The following CPPED1 variants were observed in gnomAD, a reference collection of about 807,000 sequenced individuals.
CPPED1 encodes the protein serine/threonine-protein phosphatase CPPED1.
In CPPED1, 28 loss-of-function variants were observed where a neutral mutation model predicts 28.0. The observed-to-expected ratio is 1.00, with a 90% CI of 0.74 to 1.37. The LOEUF is 1.37. Among genes scored for constraint, CPPED1 ranks in the 40% most tolerant of loss-of-function variants. CPPED1 has a pLI of 0.00. For missense variants in CPPED1, 504 were observed against 416.5 expected (o/e 1.21, Z -1.83); for synonymous variants, 198 against 180.2 (o/e 1.10, Z -0.79).
chr16:12,722,623 C>T (rs1050505804), intron 2 of CPPED1, among the ~76,000 whole-genome samples: 12 of 152,086 alleles, frequency 7.9e-5, no homozygotes, highest in East Asian at 1.9e-4. Flanking sequence ...GTAGTCCCAG[C>T]GTGAGGCAGG....
chr16:12,705,068 C>T lies in CPPED1; in HGVS notation c.290-19G>A, dbSNP rs192519003. On this transcript the variant is annotated intron_variant, in intron 2 of 3. Transcript: ENST00000381774. ...GGCTTCCCTGGAAGAGTGAGGGTCACGTCCTGAGAAAGCCAGGGGCTTATT... is the reference window on the plus strand; with the variant it reads ...GGCTTCCCTGGAAGAGTGAGGGTCATGTCCTGAGAAAGCCAGGGGCTTATT... 2.5e-4 allele frequency: 400 copies of T among 1,585,964 alleles called. No homozygotes were observed. Among genetic ancestry groups the T allele is most frequent in the Middle Eastern group, 1.2e-3 (7 of 5,904 alleles).
chr16:12,673,856 C>T (rs897586741), intron 3 of CPPED1, among the ~76,000 whole-genome samples: 13 of 151,960 alleles, frequency 8.6e-5, no homozygotes, highest in African/African-American at 2.2e-4. Flanking sequence ...AGACCAGCCT[C>T]GGCAACATCA....
intron 2 of CPPED1, among the ~76,000 whole-genome samples, chr16:12,716,597 G>C (rs1322887044): frequency 2.6e-5 from 4 of 152,130 alleles, no homozygotes; most frequent in South Asian, 2.1e-4. Context: ...AGTCCTATTT[G>C]GGATTTTAAA....
At chr16:12,705,114 A>G in intron 2 of CPPED1, 65 bp from the exon 3 acceptor site, 3 of 1,452,616 alleles carry the variant, frequency 2.1e-6, no homozygotes, top group Non-Finnish European at 2.8e-6. Flanking sequence ...AACTAACTTA[A>G]GTACTTACTA....
chr16:12,780,756 C>T (rs547903973), intron 2 of CPPED1, among the ~76,000 whole-genome samples: 1 of 149,978 alleles, frequency 6.7e-6, no homozygotes, highest in Admixed American at 6.6e-5. Context: ...AAAGGGAATC[C>T]TGTTTTAAGT....
At chr16:12,800,454 AC>A in intron 1 of CPPED1, among the ~76,000 whole-genome samples, 1 of 151,458 alleles carries the variant, frequency 6.6e-6, no homozygotes, top group South Asian at 2.1e-4. Context: ...AAAAAAGTAA[AC>A]CATGGGGGAC....
At chr16:12,685,311 G>A (rs891959279) in intron 3 of CPPED1, among the ~76,000 whole-genome samples, 3 of 152,156 alleles carry the variant, frequency 2.0e-5, no homozygotes, top group African/African-American at 7.2e-5. Context: ...TTAGCCAGGT[G>A]TGGTGGTGGC....
intron 2 of CPPED1, among the ~76,000 whole-genome samples, chr16:12,738,188 C>T (rs1019979176): frequency 6.6e-6 from 1 of 152,022 alleles, no homozygotes; most frequent in African/African-American, 2.4e-5. Flanking sequence ...ATTACGCAGC[C>T]GTTCACAATG....
At chr16:12,770,437 G>A (rs112993381) in intron 2 of CPPED1, among the ~76,000 whole-genome samples, 567 of 152,326 alleles carry the variant, frequency 3.7e-3, no homozygotes, top group Non-Finnish European at 6.2e-3. Flanking sequence ...AGCCTCACAT[G>A]TATGTACAAA....
At chr16:12,686,134 C>T (rs1567275530) in intron 3 of CPPED1, among the ~76,000 whole-genome samples, 1 of 152,138 alleles carries the variant, frequency 6.6e-6, no homozygotes. Flanking sequence ...GGAACAGATG[C>T]TATTGATACT....
At chr16:12,689,636 C>G (rs571847458) in intron 3 of CPPED1, among the ~76,000 whole-genome samples, 1 of 152,102 alleles carries the variant, frequency 6.6e-6, no homozygotes, top group East Asian at 1.9e-4. Flanking sequence ...GTATGTGAGA[C>G]CACAAACCAC....
At chr16:12,719,283 C>G (rs1473802197) in intron 2 of CPPED1, among the ~76,000 whole-genome samples, 1 of 148,722 alleles carries the variant, frequency 6.7e-6, no homozygotes, top group South Asian at 2.1e-4. Context: ...CCCAGCTACT[C>G]GGGAAGCTGA....
intron 2 of CPPED1, among the ~76,000 whole-genome samples, chr16:12,775,702 T>C (rs2080493819): frequency 6.6e-6 from 1 of 152,232 alleles, no homozygotes; most frequent in African/African-American, 2.4e-5. Flanking sequence ...CACCACCTTC[T>C]GTCTGACCAG....
At chr16:12,690,857 C>A (rs1195548443) in intron 3 of CPPED1, among the ~76,000 whole-genome samples, 1 of 152,156 alleles carries the variant, frequency 6.6e-6, no homozygotes, top group East Asian at 1.9e-4. Context: ...TTGGCAGATC[C>A]CTTTGGATAT....
intron 2 of CPPED1, among the ~76,000 whole-genome samples, chr16:12,759,901 T>C (rs773267314): frequency 5.9e-5 from 9 of 152,184 alleles, no homozygotes; most frequent in African/African-American, 1.2e-4. Context: ...AACAGACTAA[T>C]ACTGGGGCAA....
intron 2 of CPPED1, among the ~76,000 whole-genome samples, chr16:12,743,148 C>G (rs1285361197): frequency 6.6e-6 from 1 of 152,198 alleles, no homozygotes; most frequent in Non-Finnish European, 1.5e-5. Context: ...AATCCAGGTT[C>G]TCAGATGCAC....
chr16:12,678,944 T>C (rs1342240887), intron 3 of CPPED1, among the ~76,000 whole-genome samples: 2 of 152,268 alleles, frequency 1.3e-5, no homozygotes, highest in Non-Finnish European at 2.9e-5. Context: ...ATACTCTTTT[T>C]CTTGTTGGTT....
intron 2 of CPPED1, among the ~76,000 whole-genome samples, chr16:12,742,598 G>A (rs2080262184): frequency 6.7e-6 from 1 of 149,614 alleles, no homozygotes; most frequent in East Asian, 2.0e-4. Context: ...ACCATTTATT[G>A]GGTGATACAG....
chr16:12,771,396 T>A (rs2080469609), intron 2 of CPPED1, among the ~76,000 whole-genome samples: 1 of 152,258 alleles, frequency 6.6e-6, no homozygotes, highest in South Asian at 2.1e-4. Flanking sequence ...TGTGAATCAT[T>A]TAACCAGCAT....
Sources: allele counts gnomAD v4.1 joint callset (sites outside exome capture counted in the v4.1 genomes callset), GRCh38; gene constraint gnomAD v4.1.1; transcripts MANE v1.5; gene names NCBI Gene and HGNC (gene_info 2026-07-23, HGNC 2026-07-21).